Variants in NCKAP5 observed in about 807,000 individuals in gnomAD.
NCKAP5 encodes nck-associated protein 5.
A neutral mutation model predicts 167.0 loss-of-function variants in NCKAP5; 92 were observed. The ratio of observed to expected loss-of-function variants is 0.55; its 90% CI spans 0.47 to 0.66. NCKAP5 has a LOEUF of 0.66. NCKAP5 is among the 30% of genes least tolerant of loss of function. The pLI is 0.00. For synonymous variants in NCKAP5, 891 were observed against 877.4 expected (o/e 1.02, Z -0.27); for missense variants, 2,378 against 2,315.0 (o/e 1.03, Z -0.56).
chr2:133,132,409 G>C (rs2082635057), intron 5 of NCKAP5, among the ~76,000 whole-genome samples: 1 of 151,062 alleles, frequency 6.6e-6, no homozygotes, highest in Non-Finnish European at 1.5e-5. Flanking sequence ...ACATGATCAT[G>C]AGAGAACCTT....
chr2:133,141,947 A>G lies in NCKAP5; in HGVS notation c.208-11836T>C, dbSNP rs75826767. On this transcript the variant is annotated intron_variant, in intron 5 of 19. Transcript: ENST00000409261. ...ACAACATTTAAAAACTCAATGTGGAACTAATCACAAGCTTTGGTTCAATGC... is the reference window on the plus strand; with the variant it reads ...ACAACATTTAAAAACTCAATGTGGAGCTAATCACAAGCTTTGGTTCAATGC... Among the ~76,000 whole-genome samples the G allele has an allele frequency of 4.6e-5, 7 of 152,298 alleles. No homozygotes were observed. The East Asian group carries it at 1.3e-3, about 29-fold the overall frequency.
At chr2:133,420,302 C>T (rs894433565) in intron 3 of NCKAP5, among the ~76,000 whole-genome samples, 1 of 152,190 alleles carries the variant, frequency 6.6e-6, no homozygotes, top group Admixed American at 6.5e-5. Flanking sequence ...CTGATGTATA[C>T]TACAGCATGG....
At chr2:133,180,282 G>A (rs2084671523) in intron 5 of NCKAP5, among the ~76,000 whole-genome samples, 1 of 152,092 alleles carries the variant, frequency 6.6e-6, no homozygotes, top group Non-Finnish European at 1.5e-5. Flanking sequence ...AAGAAAATCT[G>A]TTGCCAGTAG....
intron 19 of NCKAP5, among the ~76,000 whole-genome samples, chr2:132,721,409 G>A (rs949571276): frequency 3.3e-5 from 5 of 152,112 alleles, no homozygotes; most frequent in Admixed American, 6.6e-5. Context: ...AAGGCTTCAC[G>A]ATCTATTGGT....
chr2:133,550,413 T>G (rs1215308357), intron 2 of NCKAP5, among the ~76,000 whole-genome samples: 5 of 151,692 alleles, frequency 3.3e-5, no homozygotes, highest in African/African-American at 1.2e-4. Context: ...TCAAGTGGGC[T>G]TCAACCCTGG....
intron 4 of NCKAP5, among the ~76,000 whole-genome samples, chr2:133,268,641 C>A (rs2089361535): frequency 6.6e-6 from 1 of 152,102 alleles, no homozygotes; most frequent in African/African-American, 2.4e-5. Flanking sequence ...CGCCACCGCG[C>A]CCGGCTAATT....
the NCKAP5 span, among the ~76,000 whole-genome samples, chr2:133,593,775 CCT>C: frequency 6.6e-6 from 1 of 152,186 alleles, no homozygotes; most frequent in Non-Finnish European, 1.5e-5. Flanking sequence ...TCTCTTCCAG[CCT>C]CTGTTTCTTC....
chr2:133,199,152 C>T (rs960972704), intron 5 of NCKAP5, among the ~76,000 whole-genome samples: 1 of 151,856 alleles, frequency 6.6e-6, no homozygotes, highest in Non-Finnish European at 1.5e-5. Flanking sequence ...AACTATAAAA[C>T]TTGTAGAAGA....
chr2:133,496,047 T>C (rs995974243), intron 3 of NCKAP5, among the ~76,000 whole-genome samples: 5 of 152,230 alleles, frequency 3.3e-5, no homozygotes, highest in Non-Finnish European at 5.9e-5. Flanking sequence ...TAAATGCTTT[T>C]GGAGATGATG....
intron 4 of NCKAP5, among the ~76,000 whole-genome samples, chr2:133,239,390 A>T (rs2087573669): frequency 6.6e-6 from 1 of 152,202 alleles, no homozygotes; most frequent in African/African-American, 2.4e-5. Flanking sequence ...ACAAGCAGTT[A>T]TGATATTCAT....
At chr2:132,849,214 A>T (rs1688898403) in intron 11 of NCKAP5, among the ~76,000 whole-genome samples, 1 of 149,668 alleles carries the variant, frequency 6.7e-6, no homozygotes, top group South Asian at 2.1e-4. Flanking sequence ...TCAGATACTC[A>T]AAGGATTCTG....
intron 16 of NCKAP5, among the ~76,000 whole-genome samples, chr2:132,733,042 T>G (rs1270664336): frequency 6.6e-6 from 1 of 152,214 alleles, no homozygotes. Context: ...TAGAACAAAT[T>G]AAGATGATTT....
At chr2:132,674,258 G>A (rs1198652699) in intron 19 of NCKAP5, among the ~76,000 whole-genome samples, 1 of 151,860 alleles carries the variant, frequency 6.6e-6, no homozygotes, top group Admixed American at 6.6e-5. Context: ...CATCCACTAG[G>A]TAAAAGACAC....
At chr2:133,663,219 T>C in the NCKAP5 span, among the ~76,000 whole-genome samples, 17 of 150,230 alleles carry the variant, frequency 1.1e-4, no homozygotes, top group African/African-American at 3.7e-4. Context: ...TGAGCCGAGA[T>C]TGCGCCACTG....
intron 6 of NCKAP5, among the ~76,000 whole-genome samples, chr2:133,125,827 A>T (rs2082386227): frequency 6.6e-6 from 1 of 152,204 alleles, no homozygotes; most frequent in South Asian, 2.1e-4. Context: ...ATGGCTGATT[A>T]GGTAACCTCT....
chr2:133,596,583 C>T, the NCKAP5 span, among the ~76,000 whole-genome samples: 5 of 152,226 alleles, frequency 3.3e-5, no homozygotes, highest in African/African-American at 1.2e-4. Context: ...AGGGAAGAGT[C>T]GAGGATAACC....
chr2:132,983,316 T>C (rs553404322), intron 7 of NCKAP5, among the ~76,000 whole-genome samples: 3 of 152,330 alleles, frequency 2.0e-5, no homozygotes, highest in Admixed American at 6.5e-5. Context: ...TCTTGCCTAA[T>C]TGCTCTGGCA....
intron 3 of NCKAP5, among the ~76,000 whole-genome samples, chr2:133,514,150 C>T (rs1003309778): frequency 6.6e-6 from 1 of 152,220 alleles, no homozygotes; most frequent in Non-Finnish European, 1.5e-5. Context: ...CTACTCCGCA[C>T]ACTCCTACTG....
At position 132,732,098 on chromosome 2, in the gene NCKAP5, A is replaced by G. The variant is rs755331260; in HGVS notation, c.5129-47T>C. The G allele has an allele frequency of 1.6e-5, 24 of 1,492,706 alleles. No homozygotes were observed. The South Asian group carries it at 2.8e-4, about 17-fold the overall frequency. The allele number at this position is 1,492,706 out of a possible 1,614,324, so 92.5% of individuals were successfully genotyped here. ...AGAAGGGAATAGAGAAGGCTCACAT[A>G]AAAGGATAAAAGAATCATGGAAATT... On this transcript the variant is annotated intron_variant, in intron 16 of 19. Coordinates refer to ENST00000409261, the MANE Select transcript of NCKAP5 (RefSeq NM_207363.3).
Sources: allele counts gnomAD v4.1 joint callset (sites outside exome capture counted in the v4.1 genomes callset), GRCh38; gene constraint gnomAD v4.1.1; transcripts MANE v1.5; gene names NCBI Gene and HGNC (gene_info 2026-07-23, HGNC 2026-07-21).